Variants in GRIP1 observed in about 807,000 individuals in gnomAD.
GRIP1 encodes glutamate receptor interacting protein 1.
In GRIP1, 45 loss-of-function variants were observed where a neutral mutation model predicts 129.9. The ratio of observed to expected loss-of-function variants is 0.35; its 90% CI spans 0.27 to 0.44. The LOEUF is 0.44. GRIP1 is among the 20% of genes least tolerant of loss of function. GRIP1 has a pLI of 1.00. For missense variants in GRIP1, 1,196 were observed against 1,396.8 expected (o/e 0.86, Z 2.29); for synonymous variants, 530 against 520.8 (o/e 1.02, Z -0.24).
At chr12:66,791,025 G>A (rs906465783) in intron 1 of GRIP1, among the ~76,000 whole-genome samples, 9 of 152,122 alleles carry the variant, frequency 5.9e-5, no homozygotes, top group East Asian at 1.9e-4. Flanking sequence ...GAAGCTCAAC[G>A]AAGTTAAGAA....
intron 1 of GRIP1, among the ~76,000 whole-genome samples, chr12:66,782,974 G>GCA (rs2038207845): frequency 6.6e-6 from 1 of 152,076 alleles, no homozygotes. Context: ...TAACCAAGGG[G>GCA]CAATACTGCT....
intron 1 of GRIP1, among the ~76,000 whole-genome samples, chr12:66,735,124 G>C (rs540208841): frequency 2.6e-5 from 4 of 152,222 alleles, no homozygotes; most frequent in African/African-American, 9.6e-5. Context: ...TCACAGCAGT[G>C]ATGGGAAGCA....
intron 23 of GRIP1, among the ~76,000 whole-genome samples, chr12:66,361,755 C>T (rs1290946746): frequency 6.6e-6 from 1 of 152,184 alleles, no homozygotes; most frequent in African/African-American, 2.4e-5. Flanking sequence ...TTTCTAGCTC[C>T]CAGCTTGGCT....
chr12:66,939,828 A>G (rs539256533), intron 1 of GRIP1, among the ~76,000 whole-genome samples: 9 of 152,146 alleles, frequency 5.9e-5, no homozygotes, highest in Non-Finnish European at 1.2e-4. Context: ...CTTCAAATAT[A>G]CCAGTATACA....
chr12:66,684,796 G>A (rs1756075109), intron 1 of GRIP1, among the ~76,000 whole-genome samples: 1 of 152,172 alleles, frequency 6.6e-6, no homozygotes, highest in African/African-American at 2.4e-5. Flanking sequence ...AGTGAGCAGA[G>A]ATCCCACCAG....
chr12:66,513,187 A>G (rs2060749136), intron 7 of GRIP1, among the ~76,000 whole-genome samples: 1 of 152,000 alleles, frequency 6.6e-6, no homozygotes, highest in East Asian at 1.9e-4. Context: ...TGGTCTCTTT[A>G]TTATCCCATG....
At chr12:66,601,498 ATAT>A (rs1296084241) in intron 1 of GRIP1, among the ~76,000 whole-genome samples, 3 of 152,152 alleles carry the variant, frequency 2.0e-5, no homozygotes, top group African/African-American at 7.2e-5. Flanking sequence ...CCCGATATGA[ATAT>A]GGTTTCAGGA....
chr12:66,691,640 G>A (rs753192464), intron 1 of GRIP1, among the ~76,000 whole-genome samples: 3 of 152,138 alleles, frequency 2.0e-5, no homozygotes, highest in Non-Finnish European at 4.4e-5. Context: ...TCCCAGTGGT[G>A]AATGAAAGTG....
intron 19 of GRIP1, among the ~76,000 whole-genome samples, chr12:66,385,718 T>C (rs912105123): frequency 6.6e-6 from 1 of 152,008 alleles, no homozygotes; most frequent in African/African-American, 2.4e-5. Flanking sequence ...CAAGCAATTC[T>C]CCTGCCTCAG....
chr12:66,387,751 A>G (rs2056415585), intron 19 of GRIP1, among the ~76,000 whole-genome samples: 1 of 152,258 alleles, frequency 6.6e-6, no homozygotes, highest in South Asian at 2.1e-4. Context: ...CAAGATGATG[A>G]TGAAACATGA....
chr12:66,553,109 T>C (rs2062197772), intron 2 of GRIP1, among the ~76,000 whole-genome samples: 1 of 152,226 alleles, frequency 6.6e-6, no homozygotes, highest in African/African-American at 2.4e-5. Flanking sequence ...CTGCTCTACA[T>C]GGGAAACCAT....
intron 7 of GRIP1, among the ~76,000 whole-genome samples, chr12:66,478,890 A>G (rs67385685): frequency 0.26 from 40,136 of 151,894 alleles, 5,486 homozygotes; most frequent in Middle Eastern, 0.42. Flanking sequence ...GGGGTGCAGC[A>G]ATGGGGGAGG....
At chr12:66,840,661 A>C (rs992632525) in intron 1 of GRIP1, among the ~76,000 whole-genome samples, 3 of 152,178 alleles carry the variant, frequency 2.0e-5, no homozygotes, top group African/African-American at 7.2e-5. Context: ...TTTTCACACT[A>C]CTGAGCAATC....
At chr12:66,685,441 C>T (rs2034746022) in intron 1 of GRIP1, among the ~76,000 whole-genome samples, 2 of 151,984 alleles carry the variant, frequency 1.3e-5, no homozygotes, top group South Asian at 2.1e-4. Context: ...GATAAAAGCA[C>T]ATTATTTGAA....
chr12:67,063,056 G>A, intron 1 of GRIP1, among the ~76,000 whole-genome samples: 1 of 152,100 alleles, frequency 6.6e-6, no homozygotes, highest in Non-Finnish European at 1.5e-5. Flanking sequence ...CTCCATATTT[G>A]TTAATTTCAT....
At chr12:66,920,548 C>T (rs1380874810) in intron 1 of GRIP1, among the ~76,000 whole-genome samples, 1 of 152,180 alleles carries the variant, frequency 6.6e-6, no homozygotes, top group Admixed American at 6.5e-5. Flanking sequence ...AAAGGACCAT[C>T]AAGGAAGTTA....
intron 1 of GRIP1, among the ~76,000 whole-genome samples, chr12:67,014,003 G>A (rs190640173): frequency 6.6e-6 from 1 of 152,272 alleles, no homozygotes; most frequent in East Asian, 1.9e-4. Flanking sequence ...GTGCAAACTG[G>A]CTGGCAAGAT....
chr12:66,838,533 C>T (rs532815505), intron 1 of GRIP1, among the ~76,000 whole-genome samples: 94 of 152,252 alleles, frequency 6.2e-4, no homozygotes, highest in South Asian at 2.1e-3. Flanking sequence ...AGGCACAACA[C>T]GCTCATTCAC....
intron 1 of GRIP1, among the ~76,000 whole-genome samples, chr12:66,917,010 T>A (rs2041134931): frequency 6.6e-6 from 1 of 152,228 alleles, no homozygotes; most frequent in Non-Finnish European, 1.5e-5. Flanking sequence ...AGAAAATATT[T>A]GTTTCCTTAC....
Sources: allele counts gnomAD v4.1 joint callset (sites outside exome capture counted in the v4.1 genomes callset), GRCh38; gene constraint gnomAD v4.1.1; transcripts MANE v1.5; gene names NCBI Gene and HGNC (gene_info 2026-07-23, HGNC 2026-07-21).